The following DACH2 variants were observed in gnomAD, a reference collection of about 807,000 sequenced individuals.
DACH2 encodes dachshund homolog 2.
DACH2 carries 17 observed loss-of-function variants against 35.8 expected under a neutral mutation model. The observed-to-expected ratio is 0.48, with a 90% CI of 0.33 to 0.71. The LOEUF is 0.71. Ranked by LOEUF, DACH2 falls within the 30% of genes least tolerant of loss-of-function variation. The pLI is 0.02. For synonymous variants in DACH2, 195 were observed against 177.3 expected, an observed-to-expected ratio of 1.10 and a Z score of -0.79; for missense variants, 469 against 472.7, an observed-to-expected ratio of 0.99 and a Z score of 0.07.
chrX:86,377,467 C>G lies in DACH2; in HGVS notation c.527+605C>G, dbSNP rs764913076. ...AACCTCTTAAAATATCTATGAAAAT[C>G]TTAGTAAAAGGGCAATCAGAGATAA... On this transcript the variant is annotated intron_variant, in intron 2 of 11. Coordinates refer to ENST00000373125, the MANE Select transcript of DACH2 (RefSeq NM_053281.3). Among the ~76,000 whole-genome samples the G allele has an allele frequency of 2.7e-5, 3 of 110,814 alleles. No individual in the cohort carries two copies. In the South Asian group the frequency reaches 1.1e-3, roughly 42 times the overall value.
At chrX:86,784,061 T>C (rs142924194) in intron 7 of DACH2, among the ~76,000 whole-genome samples, 2 of 110,693 alleles carry the variant, frequency 1.8e-5, no homozygotes, top group Non-Finnish European at 3.8e-5. Flanking sequence ...ATGATGTGCT[T>C]ATTTCATTAC....
At chrX:86,791,468 A>G (rs186710829) in intron 7 of DACH2, among the ~76,000 whole-genome samples, 35 of 111,630 alleles carry the variant, frequency 3.1e-4, no homozygotes, top group Non-Finnish European at 6.4e-4. Flanking sequence ...ACCACTAGAC[A>G]TATTTACAAT....
At chrX:86,764,592 G>GGT (rs769590858) in intron 7 of DACH2, among the ~76,000 whole-genome samples, 6 of 111,397 alleles carry the variant, frequency 5.4e-5, no homozygotes, top group Non-Finnish European at 9.4e-5. Context: ...AGTATCCCAC[G>GGT]GTGTGTGTGT....
intron 1 of DACH2, among the ~76,000 whole-genome samples, chrX:86,322,775 G>T (rs1266321671): frequency 8.9e-6 from 1 of 112,232 alleles, no homozygotes; most frequent in Non-Finnish European, 1.9e-5. Flanking sequence ...TTTATTCTTA[G>T]GTGGTGGTTC....
intron 1 of DACH2, among the ~76,000 whole-genome samples, chrX:86,226,787 T>C (rs1285167231): frequency 9.0e-6 from 1 of 111,531 alleles, no homozygotes; most frequent in Non-Finnish European, 1.9e-5. Context: ...AATATGTCTT[T>C]ATTTATCATA....
intron 7 of DACH2, among the ~76,000 whole-genome samples, chrX:86,763,032 A>T (rs1236489902): frequency 1.8e-5 from 2 of 111,170 alleles, no homozygotes; most frequent in Admixed American, 1.9e-4. Flanking sequence ...TGATTTTTAG[A>T]TTCCACAAAT....
At chrX:86,571,886 T>TAA (rs1359179990) in intron 3 of DACH2, among the ~76,000 whole-genome samples, 1 of 111,319 alleles carries the variant, frequency 9.0e-6, no homozygotes, top group Non-Finnish European at 1.9e-5. Flanking sequence ...TGCATGGACA[T>TAA]ATATAGCTCT....
chrX:86,643,740 G>A (rs2040379024), intron 3 of DACH2, among the ~76,000 whole-genome samples: 1 of 106,893 alleles, frequency 9.4e-6, no homozygotes, highest in South Asian at 3.9e-4. Context: ...ACCAAATCTT[G>A]CAACACATCA....
chrX:86,359,150 C>T (rs1416676009), intron 1 of DACH2, among the ~76,000 whole-genome samples: 2 of 105,336 alleles, frequency 1.9e-5, no homozygotes, highest in Admixed American at 2.1e-4. Context: ...TAAAGAGTGC[C>T]TTTAATTTCT....
At chrX:86,671,052 T>C (rs1156645035) in intron 4 of DACH2, among the ~76,000 whole-genome samples, 1 of 112,166 alleles carries the variant, frequency 8.9e-6, no homozygotes, top group East Asian at 2.8e-4. Flanking sequence ...CATTGAATTG[T>C]TTCTTTTGTT....
intron 6 of DACH2, among the ~76,000 whole-genome samples, chrX:86,729,876 A>G (rs2041513071): frequency 9.0e-6 from 1 of 111,315 alleles, no homozygotes; most frequent in Non-Finnish European, 1.9e-5. Context: ...CACGAGTGCT[A>G]TGCTTCCTGT....
At chrX:86,329,206 G>A (rs893315867) in intron 1 of DACH2, among the ~76,000 whole-genome samples, 2 of 110,865 alleles carry the variant, frequency 1.8e-5, no homozygotes, top group African/African-American at 6.6e-5. Flanking sequence ...GAGATCATTA[G>A]CACAAACAGA....
At chrX:86,593,434 T>TTTTA (rs1890329286) in intron 3 of DACH2, among the ~76,000 whole-genome samples, 1 of 106,781 alleles carries the variant, frequency 9.4e-6, no homozygotes, top group African/African-American at 3.5e-5. Flanking sequence ...TTTTATTTTA[T>TTTTA]TTTATTTTTT....
chrX:86,509,277 A>C (rs902524706), intron 2 of DACH2, among the ~76,000 whole-genome samples: 13 of 112,127 alleles, frequency 1.2e-4, no homozygotes, highest in African/African-American at 3.9e-4. Context: ...TCCTGAAGAC[A>C]TGATGAACCA....
At chrX:86,797,590 C>T (rs1284078699) in intron 7 of DACH2, among the ~76,000 whole-genome samples, 1 of 111,100 alleles carries the variant, frequency 9.0e-6, no homozygotes, top group Non-Finnish European at 1.9e-5. Flanking sequence ...GGAATTTTAG[C>T]ATTAATAAAA....
rs746641950 is a variant in DACH2, at chrX:86,599,060, T to A, written c.641-51976T>A. On this transcript the variant is annotated intron_variant, in intron 3 of 11. Transcript: ENST00000373125. ...TGAGTGAGAACATGCGGTGTTTGGTTTTTTGTCCTTGCAATAGTTTGCTGA... is the reference window on the plus strand; with the variant it reads ...TGAGTGAGAACATGCGGTGTTTGGTATTTTGTCCTTGCAATAGTTTGCTGA... 2.4e-3 allele frequency among the ~76,000 whole-genome samples: 262 copies of A among 111,096 alleles called. 1 individual carries two copies. The highest frequency in any genetic ancestry group is 8.3e-3 in the African/African-American group (254 of 30,475).
At chrX:86,807,166 G>A (rs900447578) in intron 7 of DACH2, among the ~76,000 whole-genome samples, 19 of 111,822 alleles carry the variant, frequency 1.7e-4, no homozygotes, top group African/African-American at 6.2e-4. Context: ...TTTTTACCTA[G>A]AGAAGGGTAT....
At chrX:86,677,244 T>C (rs2040834552) in intron 4 of DACH2, among the ~76,000 whole-genome samples, 1 of 112,120 alleles carries the variant, frequency 8.9e-6, no homozygotes, top group South Asian at 3.7e-4. Context: ...AATATAAATA[T>C]GTAAATTTTA....
At chrX:86,497,528 A>T in intron 2 of DACH2, among the ~76,000 whole-genome samples, 1 of 111,288 alleles carries the variant, frequency 9.0e-6, no homozygotes, top group Admixed American at 9.6e-5. Flanking sequence ...TGGAGAGAGG[A>T]GAGGAGCCCT....
Sources: gnomAD v4.1 joint callset for allele counts (sites outside exome capture counted in the v4.1 genomes callset) on GRCh38, gnomAD v4.1.1 for gene constraint, MANE v1.5 for transcripts, NCBI Gene and HGNC (gene_info 2026-07-23, HGNC 2026-07-21) for gene names.